IFT43: variants seen among roughly 807,000 people sequenced by gnomAD.
IFT43 encodes the protein intraflagellar transport 43, also known as intraflagellar transport protein 43 homolog.
A neutral mutation model predicts 32.3 loss-of-function variants in IFT43; 33 were observed. The observed-to-expected ratio is 1.02, with a 90% confidence interval of 0.77 to 1.37. The LOEUF (loss-of-function observed/expected upper bound fraction) is 1.37, where lower values mean the gene tolerates loss of function less well. Among genes scored for constraint, IFT43 ranks in the 40% most tolerant of loss-of-function variants. The pLI is 0.00. For synonymous variants in IFT43, 93 were observed against 98.2 expected, an observed-to-expected ratio of 0.95 and a Z score of 0.31; for missense variants, 274 against 265.9, an observed-to-expected ratio of 1.03 and a Z score of -0.21.
intron 4 of IFT43, chr14:76,059,064 C>T (rs2037080498): frequency 2.1e-6 from 3 of 1,426,546 alleles, no homozygotes; most frequent in South Asian, 3.0e-5. Context: ...TAGGGCCACC[C>T]AGTTTCCTAC....
rs371476375 is a variant in IFT43, at chr14:76,054,176, G to A, written c.216-4466G>A. On this transcript the variant is annotated intron_variant, in intron 3 of 8. Coordinates refer to ENST00000314067, the MANE Select transcript of IFT43 (RefSeq NM_001102564.3). ...AGTTACTACCTCAGGGAGATTAGGA[G>A]TAAGCCCAGCCCATGTACATTGAAA... Among the ~76,000 whole-genome samples the A allele has an allele frequency of 1.2e-3, 181 of 152,318 alleles. 5 individuals carry two copies. In the South Asian group the frequency reaches 0.035, roughly 30 times the overall value.
At chr14:76,046,379 G>T (rs1346098049) in intron 3 of IFT43, among the ~76,000 whole-genome samples, 3 of 152,124 alleles carry the variant, frequency 2.0e-5, no homozygotes, top group African/African-American at 7.2e-5. Flanking sequence ...TGCTGGACTT[G>T]CCAGTGAGGG....
At chr14:76,043,679 T>C (rs1299658402) in intron 3 of IFT43, among the ~76,000 whole-genome samples, 1 of 152,230 alleles carries the variant, frequency 6.6e-6, no homozygotes, top group Non-Finnish European at 1.5e-5. Flanking sequence ...TTTCTCCTAC[T>C]ATACCCTCAG....
chr14:76,062,584 T>C (rs181587333), intron 5 of IFT43, among the ~76,000 whole-genome samples: 7 of 152,144 alleles, frequency 4.6e-5, no homozygotes, highest in African/African-American at 1.7e-4. Context: ...AAGGACCACA[T>C]TGAACGTGTA....
chr14:76,071,917 C>T (rs777450077), intron 5 of IFT43, among the ~76,000 whole-genome samples: 2 of 152,072 alleles, frequency 1.3e-5, no homozygotes, highest in Admixed American at 1.3e-4. Flanking sequence ...CCTAACCCCC[C>T]CTGCTCACAG....
At chr14:76,026,099 G>GA (rs199579645) in intron 3 of IFT43, among the ~76,000 whole-genome samples, 42 of 150,760 alleles carry the variant, frequency 2.8e-4, no homozygotes, top group Admixed American at 9.2e-4. Flanking sequence ...AAATTTACAA[G>GA]AAAAAAAAAT....
intron 2 of IFT43, among the ~76,000 whole-genome samples, chr14:76,009,612 CTCCTAGGTACCTTCT>C (rs1439771423): frequency 2.6e-5 from 4 of 152,146 alleles, no homozygotes; most frequent in Non-Finnish European, 5.9e-5. Flanking sequence ...AGGTACCTTC[CTCCTAGGTACCTTCT>C]TCCTAGGTAC....
chr14:75,986,305 C>G (rs2035525990), intron 1 of IFT43: 1 of 1,245,812 alleles, frequency 8.0e-7, no homozygotes. Context: ...GGCCTTTCTT[C>G]CCGGTAATCC....
At chr14:76,070,445 C>T in intron 5 of IFT43, among the ~76,000 whole-genome samples, 1 of 152,234 alleles carries the variant, frequency 6.6e-6, no homozygotes, top group East Asian at 1.9e-4. Flanking sequence ...CTCAACTCCA[C>T]TCTCACTTAG....
intron 2 of IFT43, among the ~76,000 whole-genome samples, chr14:75,996,197 C>T (rs1228245962): frequency 6.6e-6 from 1 of 152,342 alleles, no homozygotes; most frequent in East Asian, 1.9e-4. Flanking sequence ...TAGCCCAGTG[C>T]ACTGTGAGTC....
intron 3 of IFT43, among the ~76,000 whole-genome samples, chr14:76,040,773 G>A (rs931837483): frequency 5.9e-5 from 9 of 152,306 alleles, no homozygotes; most frequent in Middle Eastern, 3.4e-3. Context: ...TCTGAAAAGC[G>A]GAGCAGTCCT....
chr14:76,077,792 C>T (rs1003002164), intron 5 of IFT43, among the ~76,000 whole-genome samples: 1 of 152,182 alleles, frequency 6.6e-6, no homozygotes. Flanking sequence ...TTCAGTCTCT[C>T]CAGTGTTTCC....
intron 2 of IFT43, among the ~76,000 whole-genome samples, chr14:75,999,281 A>ATATATTTTTTTTTTT (rs1566699821): frequency 1.0e-4 from 4 of 39,064 alleles, no homozygotes; most frequent in African/African-American, 3.6e-4. Flanking sequence ...ATGTATATAT[A>ATATATTTTTTTTTTT]TTTTTTTTTT....
At chr14:76,059,176 G>A in intron 4 of IFT43, 151 bp from the exon 5 acceptor site, 2 of 1,572,610 alleles carry the variant, frequency 1.3e-6, no homozygotes, top group East Asian at 4.6e-5. Flanking sequence ...ACACCCAGTG[G>A]CCTAATTAGG....
At chr14:76,042,270 A>AG (rs1016205611) in intron 3 of IFT43, among the ~76,000 whole-genome samples, 1 of 152,152 alleles carries the variant, frequency 6.6e-6, no homozygotes, top group African/African-American at 2.4e-5. Context: ...AAAAAAAAAA[A>AG]AAAGTTAAGT....
chr14:75,988,767 C>T (rs532967335), intron 1 of IFT43, 118 bp from the exon 2 acceptor site: 11 of 1,480,838 alleles, frequency 7.4e-6, no homozygotes, highest in African/African-American at 1.4e-5. Flanking sequence ...ATCTGCCTGC[C>T]TCGTCCTCCC....
chr14:76,047,679 G>T (rs879172960), intron 3 of IFT43, among the ~76,000 whole-genome samples: 1 of 151,050 alleles, frequency 6.6e-6, no homozygotes, highest in South Asian at 2.1e-4. Context: ...AGGACTGCCC[G>T]CCCGCCTGCC....
chr14:76,081,368 A>G (rs1373849348), intron 5 of IFT43, among the ~76,000 whole-genome samples: 1 of 152,094 alleles, frequency 6.6e-6, no homozygotes. Flanking sequence ...GTCTCACCCC[A>G]CCAGGCCTTT....
rs1224639597 is a variant in IFT43 at position 76,082,651 on chromosome 14, C to T, written c.403C>T (p.Leu135=). The T allele has an allele frequency of 2.5e-6, 4 of 1,613,940 alleles. No homozygotes were observed. The highest frequency in any genetic ancestry group is 2.7e-5 in the African/African-American group (2 of 74,898). The stretch of plus-strand genomic sequence containing the variant: ...AAAGCGGGTGATGACCTACCGTGAC[C>T]TGGACAATGACCTCATGAAGTACTC... The part of the protein sequence containing the change: ...QIKRVMTYRD[L]DNDLMKYSAI... Residue 135 remains leucine (L), a synonymous_variant, in exon 7 of 9, where the codon CTG becomes TTG. Transcript: ENST00000314067.
Sources: gnomAD v4.1 joint callset for allele counts (sites outside exome capture counted in the v4.1 genomes callset) on GRCh38, gnomAD v4.1.1 for gene constraint, MANE v1.5 for transcripts, NCBI Gene and HGNC (gene_info 2026-07-23, HGNC 2026-07-21) for gene names.